RPL29: variants seen among roughly 807,000 people sequenced by gnomAD.
RPL29 encodes the protein large ribosomal subunit protein eL29.
RPL29 carries 4 observed loss-of-function variants against 7.2 expected under a neutral mutation model. That is an observed-to-expected ratio of 0.55 (90% CI 0.27 to 1.26). The LOEUF (loss-of-function observed/expected upper bound fraction) is 1.26. Ranked by LOEUF, RPL29 falls within the 50% of genes most tolerant of loss-of-function variation. The probability of loss-of-function intolerance (pLI) is 0.11; values close to 1 mark genes in which losing one functional copy is unlikely to be tolerated. For missense variants in RPL29, 148 were observed against 209.1 expected, an observed-to-expected ratio of 0.71 and a Z score of 1.80; for synonymous variants, 73 against 72.8, an observed-to-expected ratio of 1.00 and a Z score of -0.01.
chr3:51,995,323 C>T, intron 2 of RPL29, 102 bp downstream of exon 2: 4 of 1,310,452 alleles, frequency 3.1e-6, no homozygotes, highest in Non-Finnish European at 4.4e-6. Context: ...AATCAATCAG[C>T]CTCAGGCCCA....
Position 51,993,902 on chromosome 3 carries a change from A to T in RPL29, c.327T>A (p.Arg109=), listed in dbSNP as rs1701282474. Residue 109 remains arginine (R), a synonymous_variant, in exon 4 of 4, where the codon CGT becomes CGA. Transcript: ENST00000294189. ...IAHPKLGKRA[R]ARIAKGLRLC... is the part of the protein sequence containing the mutation. ...GCCTGAGCCCCTTGGCAATACGGGC[A>T]CGAGCACGCTTCCCAAGCTTGGGGT... is the stretch of plus-strand genomic sequence containing the variant. The T allele has an allele frequency of 1.3e-6, 2 of 1,596,366 alleles. No individual in the cohort carries two copies.
In RPL29 at chr3:51,995,471, T is replaced by C. The variant is rs757631682; in HGVS notation, c.-8-2A>G. 2.5e-6 allele frequency: 4 copies of C among 1,613,954 alleles called. No individual in the cohort carries two copies. The highest frequency in any genetic ancestry group is 1.1e-5 in the South Asian group (1 of 91,066). ...TCTTGGACTTGGCCATGTCTGCACC[T>C]GGAAGACAAAAGTGGAGATCAGGGT... On this transcript the variant is annotated splice_acceptor_variant, in intron 1 of 3. Coordinates refer to ENST00000294189, the MANE Select transcript of RPL29 (RefSeq NM_000992.3). LOFTEE classifies it low-confidence loss of function (5UTR_SPLICE).
rs770930782 is a variant in RPL29, at chr3:51,994,877, CT to C, written c.102+164del. ...TTCAGGCTGTGGAGACCAAGGAAAG[CT>C]TTATTATGGGTCTGGTAGGGTAGAA... On this transcript the variant is annotated intron_variant, in intron 3 of 3. Coordinates refer to ENST00000294189, the MANE Select transcript of RPL29 (RefSeq NM_000992.3). 15 of 778,110 alleles carry C rather than the reference CT, an allele frequency of 1.9e-5. No individual in the cohort carries two copies. In the South Asian group the frequency reaches 2.0e-4, roughly 11 times the overall value. 48.2% of individuals were successfully genotyped at this position (778,110 alleles called of 1,614,324 possible).
chr3:51,994,624 G>A, intron 3 of RPL29: 1 of 527,884 alleles, frequency 1.9e-6, no homozygotes, highest in South Asian at 2.1e-5. Context: ...CTCTCCCCTA[G>A]ACCCTCCAGC....
intron 1 of RPL29, 119 bp downstream of exon 1, chr3:51,995,738 A>C (rs1272084631): frequency 4.4e-6 from 2 of 456,272 alleles, no homozygotes; most frequent in Non-Finnish European, 8.0e-6. Flanking sequence ...CACCATTCCC[A>C]CCCCGCAGCT....
chr3:51,994,081 T>C lies in RPL29; in HGVS notation c.148A>G (p.Asn50Asp), dbSNP rs1353158560. Residue 50 changes from asparagine to aspartate, a missense_variant, in exon 4 of 4, where the codon AAC becomes GAC. Coordinates refer to ENST00000294189, the MANE Select transcript of RPL29 (RefSeq NM_000992.3). ...TGCATCTTCTTTAGGCCCTTTTTGT[T>C]GTGCTTCTTGGCAAAGCGCATGTTC... ...LRNMRFAKKH[N>D]KKGLKKMQAN... 2 of 1,604,052 alleles carry C rather than the reference T, an allele frequency of 1.2e-6. No individual in the cohort carries two copies. The highest frequency in any genetic ancestry group is 3.3e-5 in the Admixed American group (2 of 59,830).
chr3:51,995,415 A>G lies in RPL29; in HGVS notation c.37+10T>C. 6.2e-7 allele frequency: 1 copy of G among 1,614,200 alleles called. No individual in the cohort carries two copies. The highest frequency in any genetic ancestry group is 8.5e-7 in the Non-Finnish European group (1 of 1,180,022). ...GGGTCTGGGATGTAGGCAGGGCCCA[A>G]AAAACTTACACTGGTTGTGTGTGGT... On this transcript the variant is annotated intron_variant, in intron 2 of 3. Coordinates refer to ENST00000294189, the MANE Select transcript of RPL29 (RefSeq NM_000992.3).
chr3:51,995,328 G>A (rs1701300274), intron 2 of RPL29, 97 bp downstream of exon 2: 7 of 1,348,684 alleles, frequency 5.2e-6, no homozygotes, highest in Non-Finnish European at 7.4e-6. Context: ...ATCAGCCTCA[G>A]GCCCACAATG....
intron 3 of RPL29, chr3:51,994,546 G>A: frequency 2.8e-6 from 1 of 355,792 alleles, no homozygotes. Context: ...GAGGCTCAGA[G>A]TTTGTGATTC....
At chr3:51,995,501 G>C (rs747655067) in intron 1 of RPL29, 32 bp from the exon 2 acceptor site, 1 of 1,610,066 alleles carries the variant, frequency 6.2e-7, no homozygotes, top group Non-Finnish European at 8.5e-7. Context: ...CAGGGTTAAG[G>C]GCTCGCCAGG....
At chr3:51,995,790 G>A (rs1164426422) in intron 1 of RPL29, 67 bp downstream of exon 1, 3 of 351,280 alleles carry the variant, frequency 8.5e-6, no homozygotes, top group African/African-American at 2.1e-5. Context: ...AGTCCTCTCC[G>A]CAGCCCGCGC....
At chr3:51,995,700 C>T in intron 1 of RPL29, 157 bp downstream of exon 1, 6 of 563,300 alleles carry the variant, frequency 1.1e-5, no homozygotes, top group Non-Finnish European at 1.9e-5. Context: ...GTGGCTTTCC[C>T]TGCCATCCCC....
At chr3:51,994,382 G>T in intron 3 of RPL29, 1 of 473,074 alleles carries the variant, frequency 2.1e-6, no homozygotes, top group Non-Finnish European at 3.7e-6. Context: ...GTCTGCCAAG[G>T]TTGTGGGGCT....
At position 51,993,932 on chromosome 3, in the gene RPL29, A is replaced by G. The variant is rs544853519; in HGVS notation, c.297T>C (p.Ile99=). 7.5e-6 allele frequency: 12 copies of G among 1,596,520 alleles called. No homozygotes were observed. The South Asian group carries it at 1.1e-4, about 15-fold the overall frequency. The change falls in exon 4 of 4, where the codon ATT becomes ATC. Residue 99 remains isoleucine, a synonymous_variant. Transcript: ENST00000294189. ...VSRKLDRLAY[I]AHPKLGKRAR... is the part of the protein sequence containing the mutation. ...CACGCTTCCCAAGCTTGGGGTGGGC[A>G]ATGTAGGCAAGTCGATCGAGCTTGC...
intron 3 of RPL29, chr3:51,994,596 G>C (rs1701291163): frequency 8.7e-6 from 4 of 460,596 alleles, no homozygotes; most frequent in Non-Finnish European, 1.6e-5. Context: ...GGAAGGAACA[G>C]ACTGGGGACA....
chr3:51,995,505 C>T (rs1701302589), intron 1 of RPL29, 36 bp from the exon 2 acceptor site: 5 of 1,608,968 alleles, frequency 3.1e-6, no homozygotes, highest in African/African-American at 1.3e-5. Flanking sequence ...GTTAAGGGCT[C>T]GCCAGGCTGG....
intron 2 of RPL29, 109 bp from the exon 3 acceptor site, chr3:51,995,215 A>G (rs1028647458): frequency 1.5e-5 from 16 of 1,057,360 alleles, no homozygotes; most frequent in Non-Finnish European, 2.0e-5. Flanking sequence ...TACAGCAGCT[A>G]CACTTGAGAT....
chr3:51,995,773 G>A, intron 1 of RPL29, 84 bp downstream of exon 1: 1 of 412,692 alleles, frequency 2.4e-6, no homozygotes, highest in South Asian at 2.6e-5. Context: ...ACACACGGTC[G>A]GTCACCAGTC....
At position 51,994,006 on chromosome 3, in the gene RPL29, G is replaced by A. The variant is rs759785722; in HGVS notation, c.223C>T (p.Leu75Phe). 3.8e-6 allele frequency: 6 copies of A among 1,598,354 alleles called. No homozygotes were observed. The highest frequency in any genetic ancestry group is 1.3e-5 in the African/African-American group (1 of 74,890). The change falls in exon 4 of 4, where the codon CTC (leucine) becomes TTC (phenylalanine). Residue 75 changes from leucine (L) to phenylalanine (F), a missense_variant. Transcript: ENST00000294189. Reference protein sequence around the residue: ...MSARAEAIKALVKPKEVKPKI... With the variant: ...MSARAEAIKAFVKPKEVKPKI... ...GGCTTAACCTCCTTGGGCTTTACGA[G>A]GGCCTTGATAGCCTCGGCACGTGCA...
Sources: gnomAD v4.1 joint callset for allele counts on GRCh38, gnomAD v4.1.1 for gene constraint, MANE v1.5 for transcripts, NCBI Gene and HGNC (gene_info 2026-07-23, HGNC 2026-07-21) for gene names.